The following CSMD1 variants were observed in gnomAD, a reference collection of about 807,000 sequenced individuals.
CSMD1 encodes CUB and Sushi multiple domains 1.
CSMD1 carries 213 observed loss-of-function variants against 417.5 expected under a neutral mutation model. The ratio of observed to expected loss-of-function variants is 0.51; its 90% CI spans 0.46 to 0.57. The LOEUF is 0.57. Ranked by LOEUF, CSMD1 falls within the 20% of genes least tolerant of loss-of-function variation. CSMD1 has a pLI of 0.00. For missense variants in CSMD1, 6,923 were observed against 4,529.7 expected (o/e 1.53, Z -15.17); for synonymous variants, 2,862 against 1,736.8 (o/e 1.65, Z -16.11).
chr8:4,354,986 G>A, intron 3 of CSMD1, among the ~76,000 whole-genome samples: 1 of 151,660 alleles, frequency 6.6e-6, no homozygotes, highest in Non-Finnish European at 1.5e-5. Flanking sequence ...TTTGTGGCCA[G>A]GCACGGTGGC....
intron 3 of CSMD1, among the ~76,000 whole-genome samples, chr8:4,083,214 A>G (rs1349009175): frequency 6.6e-6 from 1 of 152,152 alleles, no homozygotes; most frequent in African/African-American, 2.4e-5. Flanking sequence ...TGGTTGAACT[A>G]GTTTACAGGC....
At chr8:3,503,414 G>A (rs953228975) in intron 10 of CSMD1, among the ~76,000 whole-genome samples, 4 of 152,196 alleles carry the variant, frequency 2.6e-5, no homozygotes, top group African/African-American at 9.6e-5. Flanking sequence ...ATTCAGGGTG[G>A]GAAATAAAGT....
At chr8:4,901,926 C>G (rs962677272) in intron 1 of CSMD1, among the ~76,000 whole-genome samples, 1 of 152,088 alleles carries the variant, frequency 6.6e-6, no homozygotes, top group African/African-American at 2.4e-5. Flanking sequence ...AAAAGATTGT[C>G]AGTCAGATAT....
At chr8:3,864,648 G>C (rs866152364) in intron 5 of CSMD1, among the ~76,000 whole-genome samples, 4 of 152,082 alleles carry the variant, frequency 2.6e-5, no homozygotes, top group Admixed American at 1.3e-4. Flanking sequence ...GCCCCGGTGT[G>C]TGATGTTCCC....
At chr8:4,049,961 T>A (rs776321944) in intron 3 of CSMD1, among the ~76,000 whole-genome samples, 1 of 152,178 alleles carries the variant, frequency 6.6e-6, no homozygotes, top group Non-Finnish European at 1.5e-5. Context: ...TCTTTAGGTG[T>A]CTCCTGGCTG....
At chr8:3,080,996 G>T (rs1814055386) in intron 49 of CSMD1, among the ~76,000 whole-genome samples, 1 of 152,142 alleles carries the variant, frequency 6.6e-6, no homozygotes, top group African/African-American at 2.4e-5. Flanking sequence ...TCTTTAAAAG[G>T]AAAAATATTC....
At chr8:3,725,703 T>C (rs534707227) in intron 6 of CSMD1, among the ~76,000 whole-genome samples, 2 of 151,970 alleles carry the variant, frequency 1.3e-5, no homozygotes, top group Non-Finnish European at 2.9e-5. Flanking sequence ...ACCACTGCAA[T>C]GAGAGAGTAG....
At chr8:4,238,646 C>G (rs1289297749) in intron 3 of CSMD1, among the ~76,000 whole-genome samples, 1 of 152,154 alleles carries the variant, frequency 6.6e-6, no homozygotes, top group East Asian at 1.9e-4. Flanking sequence ...TGAGGTCATT[C>G]CTGTGTCTTG....
At chr8:3,935,407 T>C (rs1037357405) in intron 5 of CSMD1, among the ~76,000 whole-genome samples, 6 of 152,232 alleles carry the variant, frequency 3.9e-5, no homozygotes, top group African/African-American at 1.4e-4. Context: ...TATTGCATTT[T>C]GCAAATAACT....
Position 3,182,628 on chromosome 8 carries a change from G to C in CSMD1, c.5621-1414C>G, listed in dbSNP as rs1462525188. Among the ~76,000 whole-genome samples the C allele has an allele frequency of 9.5e-3, 389 of 40,958 alleles. 16 individuals are homozygous for C. The highest frequency in any genetic ancestry group is 0.023 in the Admixed American group (80 of 3,462). 26.9% of individuals were successfully genotyped at this position (40,958 alleles called of 152,430 possible). A position where few individuals can be genotyped will look rare whatever the true frequency, so the allele number is the denominator to read the frequency against. ...TGTGTGTGTGTGTGTGTGTGTGTGT[G>C]TGTGTATTGTTAGTAGAGAAGGGGG... is the stretch of plus-strand genomic sequence containing the variant. On this transcript the variant is annotated intron_variant, in intron 36 of 69. Transcript: ENST00000635120.
rs541889220 is a variant in CSMD1, at chr8:4,822,381, C to T, written c.85+171951G>A. Among the ~76,000 whole-genome samples, 5 of 152,174 alleles carry T rather than the reference C, an allele frequency of 3.3e-5. No individual in the cohort carries two copies. The East Asian group carries it at 9.7e-4, about 29-fold the overall frequency. On this transcript the variant is annotated intron_variant, in intron 1 of 69. Coordinates refer to ENST00000635120, the MANE Select transcript of CSMD1 (RefSeq NM_033225.6). ...AAAATGTGTTCATTGCTTTATTTGA[C>T]CTCAACTGGCCTAGTTTGATGATTT...
intron 12 of CSMD1, among the ~76,000 whole-genome samples, chr8:3,461,360 G>C (rs1213454389): frequency 6.6e-6 from 1 of 152,210 alleles, no homozygotes; most frequent in Non-Finnish European, 1.5e-5. Flanking sequence ...TGCTGGGAAG[G>C]ATGTGCTGCT....
chr8:4,113,320 AC>A (rs1278420485), intron 3 of CSMD1, among the ~76,000 whole-genome samples: 1 of 152,044 alleles, frequency 6.6e-6, no homozygotes, highest in Admixed American at 6.5e-5. Flanking sequence ...TGTCAAAAAA[AC>A]TAGGCCTGCT....
At chr8:4,496,384 G>C (rs182486442) in intron 2 of CSMD1, among the ~76,000 whole-genome samples, 34 of 152,156 alleles carry the variant, frequency 2.2e-4, no homozygotes, top group Non-Finnish European at 4.0e-4. Context: ...CTGACAGGGG[G>C]CTGGAGAGAG....
At chr8:4,550,377 T>C (rs889092996) in intron 2 of CSMD1, among the ~76,000 whole-genome samples, 2 of 151,108 alleles carry the variant, frequency 1.3e-5, no homozygotes, top group African/African-American at 4.9e-5. Flanking sequence ...GGTCCCTAGA[T>C]GGCATAGAAA....
At chr8:3,612,531 T>G (rs1292553330) in intron 8 of CSMD1, among the ~76,000 whole-genome samples, 1 of 152,150 alleles carries the variant, frequency 6.6e-6, no homozygotes, top group Non-Finnish European at 1.5e-5. Context: ...ATGGAACATT[T>G]ACCAAGATAG....
chr8:3,543,503 T>A (rs1219868091), intron 10 of CSMD1, among the ~76,000 whole-genome samples: 1 of 152,054 alleles, frequency 6.6e-6, no homozygotes, highest in Non-Finnish European at 1.5e-5. Context: ...GGCAATTAAC[T>A]GTGGAAATGG....
intron 57 of CSMD1, among the ~76,000 whole-genome samples, chr8:2,967,565 A>G (rs1804078337): frequency 6.6e-6 from 1 of 151,870 alleles, no homozygotes; most frequent in Non-Finnish European, 1.5e-5. Context: ...GAGCCTATTT[A>G]CCAGAAAGAT....
rs1167285814 is a variant in CSMD1 at position 3,602,922 on chromosome 8, C to A, written c.1097+13788G>T. On this transcript the variant is annotated intron_variant, in intron 8 of 69. Coordinates refer to ENST00000635120, the MANE Select transcript of CSMD1 (RefSeq NM_033225.6). ...CTCAAGTAACAATCACCTATTTTCT[C>A]AGAAGACTATTTAAATGTGTATTTT... is the stretch of plus-strand genomic sequence containing the variant. Among the ~76,000 whole-genome samples the A allele has an allele frequency of 2.6e-5, 4 of 152,058 alleles. No individual in the cohort carries two copies. In the South Asian group the frequency reaches 6.2e-4, roughly 24 times the overall value.
Sources: allele counts gnomAD v4.1 joint callset (sites outside exome capture counted in the v4.1 genomes callset), GRCh38; gene constraint gnomAD v4.1.1; transcripts MANE v1.5; gene names NCBI Gene and HGNC (gene_info 2026-07-23, HGNC 2026-07-21).